The following NCK2 variants were observed in gnomAD, a reference collection of about 807,000 sequenced individuals.
NCK2 encodes NCK adaptor protein 2.
NCK2 carries 16 observed loss-of-function variants against 33.9 expected under a neutral mutation model. The observed-to-expected ratio is 0.47, with a 90% CI of 0.32 to 0.72. The LOEUF is 0.72. Among genes scored for constraint, NCK2 ranks in the 30% least tolerant of loss-of-function variants. NCK2 has a pLI of 0.03. For synonymous variants in NCK2, 273 were observed against 239.9 expected (o/e 1.14, Z -1.27); for missense variants, 418 against 537.3 (o/e 0.78, Z 2.19).
At chr2:105,765,021 ATT>A (rs5833150) in intron 1 of NCK2, among the ~76,000 whole-genome samples, 280 of 148,104 alleles carry the variant, frequency 1.9e-3, no homozygotes, top group East Asian at 6.1e-3. Context: ...CAGTGGAACC[ATT>A]TTTTTTTTTT....
intron 2 of NCK2, among the ~76,000 whole-genome samples, chr2:105,826,293 C>T (rs1019639989): frequency 2.0e-5 from 3 of 152,108 alleles, no homozygotes; most frequent in Non-Finnish European, 4.4e-5. Flanking sequence ...GGGGAAACCG[C>T]CCCCATGACT....
intron 1 of NCK2, among the ~76,000 whole-genome samples, chr2:105,746,606 G>A (rs1453879060): frequency 2.6e-5 from 4 of 152,210 alleles, no homozygotes; most frequent in African/African-American, 9.7e-5. Flanking sequence ...CGAGTTTTAC[G>A]TAAAGAGAAT....
intron 2 of NCK2, among the ~76,000 whole-genome samples, chr2:105,846,349 A>G (rs75793881): frequency 0.014 from 2,170 of 152,268 alleles, 45 homozygotes; most frequent in African/African-American, 0.049. Flanking sequence ...CAGAGAGTAA[A>G]TGAGTTGCTC....
chr2:105,841,911 C>G (rs570044779), intron 2 of NCK2, among the ~76,000 whole-genome samples: 76 of 152,210 alleles, frequency 5.0e-4, no homozygotes, highest in African/African-American at 1.8e-3. Context: ...GGGAAGGGAG[C>G]TCGCTTAGAA....
intron 1 of NCK2, among the ~76,000 whole-genome samples, chr2:105,792,349 A>G (rs1690915773): frequency 6.6e-6 from 1 of 152,194 alleles, no homozygotes. Flanking sequence ...AGCAGTTATC[A>G]ATTAATGGCC....
Position 105,893,911 on chromosome 2 carries a change from CCGTTTG to C in NCK2, c.*736_*741del, listed in dbSNP as rs1679102429. ...TTCTCAAAGAAATATGTATCTGTAGCCGTTTGTTGACACTAATACAGATGATTAAGG... is the reference window on the plus strand; with the variant it reads ...TTCTCAAAGAAATATGTATCTGTAGCTTGACACTAATACAGATGATTAAGG... On this transcript the variant is annotated 3_prime_UTR_variant, in exon 5 of 5. Transcript: ENST00000233154. 6.6e-6 allele frequency: 1 copy of C among 152,420 alleles called. No homozygotes were observed. 9.4% of individuals were successfully genotyped at this position (152,420 alleles called of 1,614,324 possible).
intron 4 of NCK2, among the ~76,000 whole-genome samples, chr2:105,885,260 G>A (rs1233475985): frequency 1.3e-5 from 2 of 152,074 alleles, no homozygotes; most frequent in Non-Finnish European, 2.9e-5. Flanking sequence ...TATTTATTAT[G>A]TCCTGCAATA....
rs200650044 is a variant in NCK2, at chr2:105,754,677, A to AC, written c.-201+9540dup. 5.0e-3 allele frequency among the ~76,000 whole-genome samples: 743 copies of AC among 148,378 alleles called. 12 individuals carry two copies. The highest frequency in any genetic ancestry group is 0.017 in the African/African-American group (682 of 40,008). Reference sequence around the variant, plus strand: ...TGGTAAGAAAGCAGCTCCCCCAACAACTTTTTTTTTTTTTTTTTAAACTGC... The same window carrying AC: ...TGGTAAGAAAGCAGCTCCCCCAACAACCTTTTTTTTTTTTTTTTTAAACTGC... On this transcript the variant is annotated intron_variant, in intron 1 of 4. Coordinates refer to ENST00000233154, the MANE Select transcript of NCK2 (RefSeq NM_003581.5).
chr2:105,805,818 A>G (rs186078595), intron 1 of NCK2, among the ~76,000 whole-genome samples: 7 of 152,352 alleles, frequency 4.6e-5, no homozygotes, highest in Admixed American at 3.3e-4. Context: ...GTGTATATAT[A>G]TAGGGTAAGA....
intron 2 of NCK2, among the ~76,000 whole-genome samples, chr2:105,820,287 AG>A (rs896269973): frequency 6.6e-6 from 1 of 152,234 alleles, no homozygotes; most frequent in African/African-American, 2.4e-5. Flanking sequence ...CAACAGGGAA[AG>A]CAACAGCTCG....
intron 3 of NCK2, among the ~76,000 whole-genome samples, chr2:105,863,044 C>T (rs1677604732): frequency 6.6e-6 from 1 of 151,978 alleles, no homozygotes; most frequent in Non-Finnish European, 1.5e-5. Flanking sequence ...TGATGCTTCA[C>T]AGAATGGTTC....
chr2:105,818,324 T>A (rs1261088251), intron 2 of NCK2, among the ~76,000 whole-genome samples: 1 of 149,072 alleles, frequency 6.7e-6, no homozygotes, highest in Non-Finnish European at 1.5e-5. Context: ...ATATACCTAA[T>A]GTAAATGACG....
At chr2:105,795,453 C>T (rs1317447479) in intron 1 of NCK2, among the ~76,000 whole-genome samples, 2 of 152,046 alleles carry the variant, frequency 1.3e-5, no homozygotes, top group African/African-American at 2.4e-5. Flanking sequence ...TATTTTGAAA[C>T]GGGTAATTAT....
intron 2 of NCK2, among the ~76,000 whole-genome samples, chr2:105,845,961 G>C (rs186497886): frequency 1.3e-5 from 2 of 152,196 alleles, no homozygotes; most frequent in East Asian, 3.9e-4. Context: ...GCTGTCTTCT[G>C]GCTTGGCAGA....
intron 1 of NCK2, among the ~76,000 whole-genome samples, chr2:105,805,386 A>G (rs1166597294): frequency 6.6e-6 from 1 of 152,260 alleles, no homozygotes; most frequent in African/African-American, 2.4e-5. Flanking sequence ...TTTAAGAACT[A>G]AGTATTCTTA....
intron 2 of NCK2, among the ~76,000 whole-genome samples, chr2:105,834,709 T>C (rs1676323374): frequency 6.6e-6 from 1 of 152,174 alleles, no homozygotes; most frequent in Non-Finnish European, 1.5e-5. Flanking sequence ...GTTCTCTTAC[T>C]GAAGCTAGAG....
Position 105,881,941 on chromosome 2 carries a change from C to G in NCK2, c.840C>G (p.Phe280Leu), listed in dbSNP as rs374552067. The G allele has an allele frequency of 1.3e-6, 2 of 1,559,720 alleles. No individual in the cohort carries two copies. The highest frequency in any genetic ancestry group is 2.7e-5 in the African/African-American group (2 of 73,336). ...SYTGPSSSGRFAGREWYYGNV... is the reference protein window; with the variant it reads ...SYTGPSSSGRLAGREWYYGNV... ...CCGGGCCCTCGTCCAGCGGGCGCTTCGCGGGCAGAGAGTGGTACTACGGGA... is the reference window on the plus strand; with the variant it reads ...CCGGGCCCTCGTCCAGCGGGCGCTTGGCGGGCAGAGAGTGGTACTACGGGA... The change falls in exon 4 of 5, where the codon TTC (phenylalanine) becomes TTG (leucine). Residue 280 changes from phenylalanine to leucine, a missense_variant. Transcript: ENST00000233154.
chr2:105,832,244 C>T lies in NCK2; in HGVS notation c.-17+15631C>T, dbSNP rs187553259. 9.3e-4 allele frequency among the ~76,000 whole-genome samples: 142 copies of T among 152,226 alleles called. 2 individuals are homozygous for T. In the South Asian group the frequency reaches 0.025, roughly 27 times the overall value. ...TGATTTTAGTATCCTGCAATTTCAC[C>T]GGATCTGTTTACCAATTCTACAGTA... On this transcript the variant is annotated intron_variant, in intron 2 of 4. Coordinates refer to ENST00000233154, the MANE Select transcript of NCK2 (RefSeq NM_003581.5).
At chr2:105,889,864 G>T (rs1415265256) in intron 4 of NCK2, among the ~76,000 whole-genome samples, 1 of 152,190 alleles carries the variant, frequency 6.6e-6, no homozygotes, top group East Asian at 1.9e-4. Flanking sequence ...GGGATTACAG[G>T]TGTGAGCTTC....
Sources: gnomAD v4.1 joint callset for allele counts (sites outside exome capture counted in the v4.1 genomes callset) on GRCh38, gnomAD v4.1.1 for gene constraint, MANE v1.5 for transcripts, NCBI Gene and HGNC (gene_info 2026-07-23, HGNC 2026-07-21) for gene names.